The following MTNR1B variants were observed in gnomAD, a reference collection of about 807,000 sequenced individuals.
MTNR1B encodes melatonin receptor 1B.
MTNR1B carries 7 observed loss-of-function variants against 7.0 expected under a neutral mutation model. The observed-to-expected ratio is 1.00, with a 90% CI of 0.57 to 1.88. The LOEUF (loss-of-function observed/expected upper bound fraction) is 1.88. Among genes scored for constraint, MTNR1B ranks in the 40% most tolerant of loss-of-function variants. MTNR1B has a pLI of 0.00. For missense variants in MTNR1B, 478 were observed against 486.5 expected (o/e 0.98, Z 0.16); for synonymous variants, 226 against 208.2 (o/e 1.09, Z -0.74).
rs1858127488 is a variant in MTNR1B, at chr11:92,982,397, G to T, written c.*85G>T. On this transcript the variant is annotated 3_prime_UTR_variant, in exon 2 of 2. Transcript: ENST00000257068. The stretch of plus-strand genomic sequence containing the variant: ...CTGCAAGGGTGAGACCAGGCAGCCT[G>T]CTGGGCCACACTGTCCTGTTGGCAT... 5 of 1,461,386 alleles carry T rather than the reference G, an allele frequency of 3.4e-6. No homozygotes were observed. In the South Asian group the frequency reaches 6.9e-5, roughly 20 times the overall value. The allele number at this position is 1,461,386 out of a possible 1,614,324, so 90.5% of individuals were successfully genotyped here.
chr11:92,979,263 C>A (rs1382317156), intron 1 of MTNR1B, among the ~76,000 whole-genome samples: 6 of 152,184 alleles, frequency 3.9e-5, no homozygotes, highest in African/African-American at 2.4e-5. Context: ...CCTGATTCAG[C>A]TGAAGACAAG....
At chr11:92,980,306 G>A (rs1217442083) in intron 1 of MTNR1B, among the ~76,000 whole-genome samples, 1 of 152,236 alleles carries the variant, frequency 6.6e-6, no homozygotes, top group African/African-American at 2.4e-5. Context: ...GACCCTGCTG[G>A]AGGGAGAGTC....
Position 92,969,675 on chromosome 11 carries a change from C to T in MTNR1B, c.-51C>T, listed in dbSNP as rs777615744. The T allele has an allele frequency of 1.4e-5, 20 of 1,382,042 alleles. No individual in the cohort carries two copies. The Admixed American group carries it at 3.7e-4, about 25-fold the overall frequency. 85.6% of individuals were successfully genotyped at this position (1,382,042 alleles called of 1,614,324 possible). ...CCGGCTCAGTACTGCGCGCGCCCTG[C>T]GGCTGTCCGGGGCCGCGCGGTGGCC... On this transcript the variant is annotated 5_prime_UTR_variant, in exon 1 of 2. Coordinates refer to ENST00000257068, the MANE Select transcript of MTNR1B (RefSeq NM_005959.5).
Position 92,978,412 on chromosome 11 carries a change from A to G in MTNR1B, c.224-3035A>G, listed in dbSNP as rs532900079. Among the ~76,000 whole-genome samples, 7 of 152,280 alleles carry G rather than the reference A, an allele frequency of 4.6e-5. No homozygotes were observed. The South Asian group carries it at 1.5e-3, about 32-fold the overall frequency. Reference sequence around the variant, plus strand: ...CTCTTGTCAAAGCCTCTCTCCACTAATACACCCTATCTGCTGGAGGCAGAT... The same window carrying G: ...CTCTTGTCAAAGCCTCTCTCCACTAGTACACCCTATCTGCTGGAGGCAGAT... On this transcript the variant is annotated intron_variant, in intron 1 of 1. Transcript: ENST00000257068.
rs376871685 is a variant in MTNR1B at position 92,981,958 on chromosome 11, C to T, written c.735C>T (p.Ser245=). Residue 245 remains serine (S), a synonymous_variant, in exon 2 of 2, where the codon AGC becomes AGT. Coordinates refer to ENST00000257068, the MANE Select transcript of MTNR1B (RefSeq NM_005959.5). ...AGAGCAGGCTGTGCCTGAAGCCCAG[C>T]GACTTGCGGAGCTTTCTAACCATGT... ...KPESRLCLKP[S]DLRSFLTMFV... The T allele has an allele frequency of 2.7e-5, 43 of 1,614,132 alleles. No individual in the cohort carries two copies. The highest frequency in any genetic ancestry group is 1.6e-4 in the Middle Eastern group (1 of 6,084).
intron 1 of MTNR1B, among the ~76,000 whole-genome samples, chr11:92,974,687 C>T (rs950432392): frequency 1.8e-4 from 28 of 151,582 alleles, no homozygotes; most frequent in South Asian, 4.3e-4. Flanking sequence ...CTGCAAGCTC[C>T]GCCCCCTGGG....
rs1858120430 is a variant in MTNR1B at position 92,982,138 on chromosome 11, C to T, written c.915C>T (p.Ala305=). The part of the protein sequence containing the change: ...LLAYFNSCLN[A]IVYGLLNQNF... The stretch of plus-strand genomic sequence containing the variant: ...CTTATTTCAACAGCTGCCTGAATGC[C>T]ATTGTCTATGGGCTCTTGAACCAAA... The change falls in exon 2 of 2, where the codon GCC becomes GCT. Residue 305 remains alanine (A), a synonymous_variant. Coordinates refer to ENST00000257068, the MANE Select transcript of MTNR1B (RefSeq NM_005959.5). 1.2e-6 allele frequency: 2 copies of T among 1,614,072 alleles called. No individual in the cohort carries two copies. Among genetic ancestry groups the T allele is most frequent in the African/African-American group, 1.3e-5 (1 of 74,914 alleles).
intron 1 of MTNR1B, 79 bp downstream of exon 1, chr11:92,970,027 G>A: frequency 7.2e-7 from 1 of 1,395,816 alleles, no homozygotes; most frequent in Non-Finnish European, 9.5e-7. Flanking sequence ...CCCGGGATAT[G>A]CGCTGCCTTT....
chr11:92,974,024 C>T (rs2136510871), intron 1 of MTNR1B, among the ~76,000 whole-genome samples: 1 of 152,206 alleles, frequency 6.6e-6, no homozygotes, highest in East Asian at 1.9e-4. Flanking sequence ...ACTATTGGCA[C>T]CTTCTGCATG....
Position 92,981,438 on chromosome 11 carries a change from C to T in MTNR1B, c.224-9C>T. The T allele has an allele frequency of 1.9e-6, 3 of 1,607,946 alleles. No individual in the cohort carries two copies. The South Asian group carries it at 3.3e-5, about 18-fold the overall frequency. On this transcript the variant is annotated splice_polypyrimidine_tract_variant and intron_variant, in intron 1 of 1. Transcript: ENST00000257068. ...CTCGTGCTGACTGTTGCTCTGTTTG[C>T]TGCTTCAGGTAATTTGTTCTTGGTG...
chr11:92,980,568 A>G (rs996761381), intron 1 of MTNR1B, among the ~76,000 whole-genome samples: 6 of 152,182 alleles, frequency 3.9e-5, no homozygotes, highest in African/African-American at 1.4e-4. Context: ...AAGCATATTA[A>G]TTGATGGGTG....
downstream of MTNR1B, among the ~76,000 whole-genome samples, chr11:92,983,108 G>A (rs769795318): frequency 5.3e-5 from 8 of 152,106 alleles, no homozygotes; most frequent in Admixed American, 5.2e-4. Context: ...TCATGCCGTA[G>A]TCAGCCTCCC....
chr11:92,980,994 C>T (rs1351362442), intron 1 of MTNR1B, among the ~76,000 whole-genome samples: 1 of 152,098 alleles, frequency 6.6e-6, no homozygotes, highest in Non-Finnish European at 1.5e-5. Context: ...GAGAGATGTG[C>T]GAGGAGGTGA....
chr11:92,976,829 C>T (rs1040917018), intron 1 of MTNR1B, among the ~76,000 whole-genome samples: 1 of 152,218 alleles, frequency 6.6e-6, no homozygotes, highest in Non-Finnish European at 1.5e-5. Flanking sequence ...CTCAATCCTT[C>T]TGTGTTATGG....
In MTNR1B at chr11:92,982,235, A is replaced by G. The variant is rs1323197602; in HGVS notation, c.1012A>G (p.Lys338Glu). 6.2e-7 allele frequency: 1 copy of G among 1,614,198 alleles called. No homozygotes were observed. Among genetic ancestry groups the G allele is most frequent in the South Asian group, 1.1e-5 (1 of 91,078 alleles). The change falls in exon 2 of 2, where the codon AAG becomes GAG. Residue 338 changes from lysine to glutamate, a missense_variant. Physicochemically the swap from Lys to Glu is moderately conservative, Grantham distance 56. Coordinates refer to ENST00000257068, the MANE Select transcript of MTNR1B (RefSeq NM_005959.5). ...NPRHCIQDAS[K>E]GSHAEGLQSP... is the part of the protein sequence containing the mutation. Reference sequence around the variant, plus strand: ...ACGGCACTGCATTCAAGATGCTTCCAAGGGCAGCCACGCGGAGGGGCTGCA... The same window carrying G: ...ACGGCACTGCATTCAAGATGCTTCCGAGGGCAGCCACGCGGAGGGGCTGCA...
intron 1 of MTNR1B, among the ~76,000 whole-genome samples, chr11:92,980,991 G>A (rs1858093726): frequency 6.6e-6 from 1 of 152,202 alleles, no homozygotes; most frequent in Non-Finnish European, 1.5e-5. Flanking sequence ...CCAGAGAGAT[G>A]TGCGAGGAGG....
At chr11:92,978,443 C>T (rs570810072) in intron 1 of MTNR1B, among the ~76,000 whole-genome samples, 8 of 152,218 alleles carry the variant, frequency 5.3e-5, no homozygotes, top group East Asian at 1.9e-4. Flanking sequence ...CAGATGGAAA[C>T]GAGTCACGCC....
intron 1 of MTNR1B, among the ~76,000 whole-genome samples, chr11:92,971,556 A>T (rs1857923117): frequency 6.6e-6 from 1 of 151,928 alleles, no homozygotes; most frequent in South Asian, 2.1e-4. Context: ...AAGGGAGACA[A>T]CTCCTGGCTC....
At chr11:92,976,825 C>G (rs552293968) in intron 1 of MTNR1B, among the ~76,000 whole-genome samples, 67 of 152,212 alleles carry the variant, frequency 4.4e-4, no homozygotes, top group Non-Finnish European at 8.2e-4. Context: ...CTTTCTCAAT[C>G]CTTCTGTGTT....
Sources: allele counts gnomAD v4.1 joint callset (sites outside exome capture counted in the v4.1 genomes callset), GRCh38; gene constraint gnomAD v4.1.1; transcripts MANE v1.5; gene names NCBI Gene and HGNC (gene_info 2026-07-23, HGNC 2026-07-21).